Variants in SLIT3 observed in about 807,000 individuals in gnomAD.
The protein encoded by SLIT3 is slit homolog 3 protein.
SLIT3 carries 68 observed loss-of-function variants against 184.0 expected under a neutral mutation model. The observed-to-expected ratio is 0.37, with a 90% CI of 0.30 to 0.45. The LOEUF is 0.45. SLIT3 is among the 20% of genes least tolerant of loss of function. SLIT3 has a pLI of 1.00. For synonymous variants in SLIT3, 831 were observed against 828.6 expected (o/e 1.00, Z -0.05); for missense variants, 1,707 against 2,026.0 (o/e 0.84, Z 3.02).
At chr5:168,875,773 GA>G (rs1203354734) in intron 5 of SLIT3, among the ~76,000 whole-genome samples, 1 of 151,508 alleles carries the variant, frequency 6.6e-6, no homozygotes, top group Non-Finnish European at 1.5e-5. Flanking sequence ...TAAGAGGGAG[GA>G]AAAAAAGGAA....
rs372203049 is a variant in SLIT3, at chr5:168,976,927, C to T, written c.414-93591G>A. ...TCCCTTCTCACATTTCCCATAAGGGCGAAGCCAACACACACCAGGGAGGTA... is the reference window on the plus strand; with the variant it reads ...TCCCTTCTCACATTTCCCATAAGGGTGAAGCCAACACACACCAGGGAGGTA... On this transcript the variant is annotated intron_variant, in intron 4 of 35. Transcript: ENST00000519560. Among the ~76,000 whole-genome samples the T allele has an allele frequency of 8.5e-5, 13 of 152,220 alleles. No individual in the cohort carries two copies. The East Asian group carries it at 1.2e-3, about 14-fold the overall frequency.
chr5:168,885,933 G>A (rs1040828138), intron 4 of SLIT3, among the ~76,000 whole-genome samples: 2 of 152,176 alleles, frequency 1.3e-5, no homozygotes, highest in Non-Finnish European at 2.9e-5. Flanking sequence ...GTTGCTGGGA[G>A]ACCTCCCACA....
intron 3 of SLIT3, among the ~76,000 whole-genome samples, chr5:169,220,787 T>A (rs188929827): frequency 1.2e-4 from 19 of 152,356 alleles, no homozygotes; most frequent in South Asian, 4.1e-4. Context: ...CTCACATGCC[T>A]GCTCCAAACT....
chr5:169,163,591 T>C (rs1198350020), intron 4 of SLIT3, among the ~76,000 whole-genome samples: 1 of 152,132 alleles, frequency 6.6e-6, no homozygotes, highest in Non-Finnish European at 1.5e-5. Flanking sequence ...AACTTATATG[T>C]GTGAAAAAAA....
intron 4 of SLIT3, among the ~76,000 whole-genome samples, chr5:168,982,591 C>T (rs1201984143): frequency 6.6e-6 from 1 of 152,170 alleles, no homozygotes; most frequent in Non-Finnish European, 1.5e-5. Context: ...TAGTATTTTA[C>T]AAATGTATTA....
At chr5:168,831,555 C>A (rs150252834) in intron 6 of SLIT3, among the ~76,000 whole-genome samples, 251 of 152,330 alleles carry the variant, frequency 1.6e-3, no homozygotes, top group Middle Eastern at 6.8e-3. Flanking sequence ...TATTCACTGA[C>A]GTATAGCAGT....
rs999480108 is a variant in SLIT3 at position 169,300,152 on chromosome 5, C to G, written c.197+361G>C. Among the ~76,000 whole-genome samples, 24 of 152,230 alleles carry G rather than the reference C, an allele frequency of 1.6e-4. No homozygotes were observed. The highest frequency in any genetic ancestry group is 6.5e-4 in the Admixed American group (10 of 15,290). ...TATAGCTTTCTCCTTCGCCCGCCCC[C>G]CTTTTTAACGAGCGCAGACCCCTGA... On this transcript the variant is annotated intron_variant, in intron 1 of 35. Transcript: ENST00000519560. The surrounding 1 kb of genome is among the most constrained non-coding windows in gnomAD (Gnocchi z 4.1).
chr5:169,031,456 G>C (rs1372858924), intron 4 of SLIT3, among the ~76,000 whole-genome samples: 2 of 152,162 alleles, frequency 1.3e-5, no homozygotes. Context: ...ATGCAGGAAA[G>C]ATCTGTTTGT....
chr5:169,220,898 C>G (rs551115658), intron 3 of SLIT3, among the ~76,000 whole-genome samples: 1 of 152,176 alleles, frequency 6.6e-6, no homozygotes, highest in Non-Finnish European at 1.5e-5. Context: ...CTACTACCCC[C>G]CAACTTCTCC....
intron 35 of SLIT3, among the ~76,000 whole-genome samples, chr5:168,669,065 C>T (rs897951382): frequency 5.9e-5 from 9 of 152,210 alleles, no homozygotes; most frequent in African/African-American, 2.2e-4. Flanking sequence ...CAACATCTCA[C>T]GTACTCCTCC....
At chr5:168,674,714 A>G (rs576193837) in intron 32 of SLIT3, among the ~76,000 whole-genome samples, 1 of 150,036 alleles carries the variant, frequency 6.7e-6, no homozygotes, top group African/African-American at 2.5e-5. Context: ...CTGGTCTTGA[A>G]CTCCTGACCT....
At chr5:169,039,564 T>G (rs7720655) in intron 4 of SLIT3, among the ~76,000 whole-genome samples, 39,013 of 151,886 alleles carry the variant, frequency 0.26, 6,686 homozygotes, top group East Asian at 0.52. Flanking sequence ...TGATCCACCT[T>G]CCTCAGCCTC....
At chr5:168,814,476 CT>C (rs1317209062) in intron 8 of SLIT3, among the ~76,000 whole-genome samples, 3 of 152,240 alleles carry the variant, frequency 2.0e-5, no homozygotes, top group African/African-American at 7.2e-5. Context: ...CTTCAGATGC[CT>C]TGTGGGGCTC....
At chr5:169,221,663 T>G (rs11134563) in intron 3 of SLIT3, among the ~76,000 whole-genome samples, 34,469 of 152,060 alleles carry the variant, frequency 0.23, 4,746 homozygotes, top group East Asian at 0.64. Flanking sequence ...GGTGTGTGAC[T>G]TGCCTTCAGA....
intron 4 of SLIT3, among the ~76,000 whole-genome samples, chr5:168,968,956 T>C (rs1047610655): frequency 3.9e-5 from 6 of 152,206 alleles, no homozygotes; most frequent in Non-Finnish European, 8.8e-5. Flanking sequence ...AGGTGGAGTC[T>C]ACGAATAGGG....
chr5:169,191,636 C>T (rs370234792), intron 4 of SLIT3, among the ~76,000 whole-genome samples: 6 of 152,084 alleles, frequency 3.9e-5, no homozygotes, highest in East Asian at 3.9e-4. Context: ...ATTTAGATAC[C>T]GAAGGAAAAG....
intron 3 of SLIT3, among the ~76,000 whole-genome samples, chr5:169,219,450 C>T (rs1225323439): frequency 1.3e-5 from 2 of 152,258 alleles, no homozygotes; most frequent in African/African-American, 2.4e-5. Flanking sequence ...ACTCATCACA[C>T]TACTGGTAAG....
chr5:169,203,552 C>T (rs1257821262), intron 3 of SLIT3, among the ~76,000 whole-genome samples: 2 of 152,184 alleles, frequency 1.3e-5, no homozygotes, highest in South Asian at 2.1e-4. Context: ...AGACAACTCC[C>T]CAGATTCAAG....
At position 168,827,872 on chromosome 5, in the gene SLIT3, C is replaced by T. The variant is rs796892952; in HGVS notation, c.558-4541G>A. ...TTGTAAAACTGGTTTTACGCATTCA[C>T]TTTTGTATTGTCGATCTGCTTTTGC... On this transcript the variant is annotated intron_variant, in intron 6 of 35. Coordinates refer to ENST00000519560, the MANE Select transcript of SLIT3 (RefSeq NM_003062.4). Among the ~76,000 whole-genome samples the T allele has an allele frequency of 3.7e-4, 56 of 152,328 alleles. 1 individual carries two copies. Among genetic ancestry groups the T allele is most frequent in the African/African-American group, 1.3e-3 (54 of 41,576 alleles).
Sources: gnomAD v4.1 joint callset for allele counts (sites outside exome capture counted in the v4.1 genomes callset) on GRCh38, gnomAD v4.1.1 for gene constraint, Gnocchi (gnomAD v3.1) non-coding constraint, MANE v1.5 for transcripts, NCBI Gene and HGNC (gene_info 2026-07-23, HGNC 2026-07-21) for gene names.